Variants in HS2ST1 observed in about 807,000 individuals in gnomAD.
The protein encoded by HS2ST1 is 2-O-sulfotransferase.
In HS2ST1, 18 loss-of-function variants were observed where a neutral mutation model predicts 42.9. The ratio of observed to expected loss-of-function variants is 0.42; its 90% CI spans 0.29 to 0.62. The LOEUF is 0.62. Ranked by LOEUF, HS2ST1 falls within the 20% of genes least tolerant of loss-of-function variation. The pLI, the probability that HS2ST1 is intolerant of heterozygous loss-of-function variation, is 0.21. For synonymous variants in HS2ST1, 146 were observed against 152.9 expected, an observed-to-expected ratio of 0.95 and a Z score of 0.33; for missense variants, 334 against 433.8, an observed-to-expected ratio of 0.77 and a Z score of 2.04.
At chr1:87,044,320 A>AT (rs1377481867) in intron 1 of HS2ST1, among the ~76,000 whole-genome samples, 5 of 152,162 alleles carry the variant, frequency 3.3e-5, no homozygotes, top group African/African-American at 1.2e-4. Context: ...ATAGCCATTG[A>AT]GTTTTACAAA....
At chr1:87,075,829 A>G (rs1048172190) in intron 2 of HS2ST1, among the ~76,000 whole-genome samples, 5 of 152,180 alleles carry the variant, frequency 3.3e-5, no homozygotes, top group Admixed American at 6.6e-5. Context: ...TCAATGTATA[A>G]TAGTTATATA....
intron 1 of HS2ST1, chr1:87,046,619 C>A: frequency 6.4e-7 from 1 of 1,571,142 alleles, no homozygotes; most frequent in South Asian, 1.1e-5. Flanking sequence ...AGTACAAAGT[C>A]AAGGAGAAGA....
At chr1:86,938,350 G>T (rs1441050471) in intron 1 of HS2ST1, among the ~76,000 whole-genome samples, 1 of 152,084 alleles carries the variant, frequency 6.6e-6, no homozygotes, top group African/African-American at 2.4e-5. Flanking sequence ...CTTGATTAAA[G>T]TACTGTTGTT....
chr1:87,029,247 TG>T (rs1331301359), intron 1 of HS2ST1, among the ~76,000 whole-genome samples: 2 of 152,208 alleles, frequency 1.3e-5, no homozygotes, highest in Non-Finnish European at 1.5e-5. Context: ...ATAGGTGCAA[TG>T]TTTTAACAGT....
chr1:87,007,609 C>G (rs1216204643), intron 1 of HS2ST1, among the ~76,000 whole-genome samples: 2 of 152,104 alleles, frequency 1.3e-5, no homozygotes, highest in South Asian at 2.1e-4. Flanking sequence ...TTTTTCCTCT[C>G]AAAATACTTT....
In HS2ST1 at chr1:86,964,402, G is replaced by A. The variant is rs541436079; in HGVS notation, c.124+49242G>A. 1.2e-3 allele frequency among the ~76,000 whole-genome samples: 185 copies of A among 152,362 alleles called. 1 individual carries two copies. Among genetic ancestry groups the A allele is most frequent in the Non-Finnish European group, 2.0e-3 (138 of 68,024 alleles). Reference sequence around the variant, plus strand: ...TGCAATCCCGGCACCTCGGGAGGCCGAGGCTGGCAGATCACTCACGGTTAG... The same window carrying A: ...TGCAATCCCGGCACCTCGGGAGGCCAAGGCTGGCAGATCACTCACGGTTAG... On this transcript the variant is annotated intron_variant, in intron 1 of 6. Coordinates refer to ENST00000370550, the MANE Select transcript of HS2ST1 (RefSeq NM_012262.4).
At chr1:87,021,566 G>A (rs1478299569) in intron 1 of HS2ST1, among the ~76,000 whole-genome samples, 1 of 152,202 alleles carries the variant, frequency 6.6e-6, no homozygotes, top group Non-Finnish European at 1.5e-5. Context: ...CCAGGGTGGA[G>A]TACAATGGCA....
intron 1 of HS2ST1, among the ~76,000 whole-genome samples, chr1:86,991,975 C>T (rs1408201947): frequency 6.6e-6 from 1 of 152,156 alleles, no homozygotes; most frequent in Non-Finnish European, 1.5e-5. Context: ...TGTTAGGAAC[C>T]GGGCTGCACA....
chr1:87,070,939 A>G (rs1651388557), intron 1 of HS2ST1, among the ~76,000 whole-genome samples: 1 of 152,148 alleles, frequency 6.6e-6, no homozygotes, highest in Admixed American at 6.5e-5. Flanking sequence ...TCTCAACTGT[A>G]CACCTATAAA....
chr1:87,070,465 C>T (rs529775301), intron 1 of HS2ST1, among the ~76,000 whole-genome samples: 4 of 152,140 alleles, frequency 2.6e-5, no homozygotes, highest in African/African-American at 9.6e-5. Flanking sequence ...ATCATGTGCA[C>T]CTGTAGTCCC....
chr1:86,932,705 T>C (rs1414108229), intron 1 of HS2ST1, among the ~76,000 whole-genome samples: 1 of 151,976 alleles, frequency 6.6e-6, no homozygotes, highest in Non-Finnish European at 1.5e-5. Context: ...AAATAAGAAG[T>C]GGGATCTCTT....
intron 1 of HS2ST1, among the ~76,000 whole-genome samples, chr1:86,951,572 G>A (rs1049504239): frequency 5.3e-5 from 8 of 152,206 alleles, no homozygotes; most frequent in Admixed American, 3.9e-4. Context: ...TGAGTCTTTA[G>A]TGAGTTATAA....
intron 1 of HS2ST1, among the ~76,000 whole-genome samples, chr1:86,930,252 G>A (rs1660516638): frequency 6.6e-6 from 1 of 151,808 alleles, no homozygotes; most frequent in African/African-American, 2.4e-5. Context: ...TATGTTTATG[G>A]ATATCTTTAA....
At chr1:86,985,457 C>CAT (rs1410936040) in intron 1 of HS2ST1, among the ~76,000 whole-genome samples, 15 of 103,088 alleles carry the variant, frequency 1.5e-4, no homozygotes, top group Admixed American at 2.4e-4. Flanking sequence ...TATATACACA[C>CAT]ATATATACAC....
At chr1:87,013,579 G>A (rs1388618883) in intron 1 of HS2ST1, among the ~76,000 whole-genome samples, 2 of 152,202 alleles carry the variant, frequency 1.3e-5, no homozygotes, top group African/African-American at 4.8e-5. Context: ...TCATTGTCTT[G>A]GTGATTAACA....
chr1:87,013,858 C>A (rs1397094979), intron 1 of HS2ST1, among the ~76,000 whole-genome samples: 1 of 152,164 alleles, frequency 6.6e-6, no homozygotes, highest in Non-Finnish European at 1.5e-5. Flanking sequence ...CTCTCAAGTT[C>A]AAAGTTCCAC....
chr1:87,024,504 GAAAA>G (rs375286763), intron 1 of HS2ST1, among the ~76,000 whole-genome samples: 1 of 107,272 alleles, frequency 9.3e-6, no homozygotes, highest in Admixed American at 1.0e-4. Context: ...CCGTCTCAAA[GAAAA>G]AAAAAAAAAA....
intron 1 of HS2ST1, among the ~76,000 whole-genome samples, chr1:87,051,285 T>C (rs1040585293): frequency 8.5e-5 from 13 of 152,164 alleles, no homozygotes; most frequent in African/African-American, 2.7e-4. Flanking sequence ...CTTAAATTTA[T>C]GTTGCCTAAT....
intron 2 of HS2ST1, among the ~76,000 whole-genome samples, chr1:87,079,132 CTT>C (rs11454448): frequency 3.1e-4 from 46 of 147,820 alleles, no homozygotes; most frequent in African/African-American, 1.1e-3. Context: ...GTAAATGATA[CTT>C]TTTTTTTTTT....
Sources: gnomAD v4.1 joint callset for allele counts (sites outside exome capture counted in the v4.1 genomes callset) on GRCh38, gnomAD v4.1.1 for gene constraint, MANE v1.5 for transcripts, NCBI Gene and HGNC (gene_info 2026-07-23, HGNC 2026-07-21) for gene names.